Variants in NTHL1 observed in about 807,000 individuals in gnomAD.
The protein encoded by NTHL1 is nth like DNA glycosylase 1.
A neutral mutation model predicts 32.3 loss-of-function variants in NTHL1; 32 were observed. That is an observed-to-expected ratio of 0.99 (90% confidence interval 0.75 to 1.33). NTHL1 has a LOEUF of 1.33. NTHL1 is among the 40% of genes most tolerant of loss of function. NTHL1 has a pLI of 0.00. For synonymous variants in NTHL1, 188 were observed against 176.9 expected (o/e 1.06, Z -0.50); for missense variants, 501 against 414.1 (o/e 1.21, Z -1.82).
intron 1 of NTHL1, chr16:2,047,435 G>C (rs987069272): frequency 1.9e-6 from 1 of 529,088 alleles, no homozygotes; most frequent in African/African-American, 2.0e-5. Flanking sequence ...CTGGAGTGGA[G>C]AGTCCCGGAC....
Position 2,044,754 on chromosome 16 carries a change from G to A in NTHL1, c.401C>T (p.Thr134Ile), listed in dbSNP as rs1596220446. Reference sequence around the variant, plus strand: ...GGCGCCCGCCGTCACCTGGTCTTTGGTTTGGCTGGAGAGCATCAGTGACAG... The same window carrying A: ...GGCGCCCGCCGTCACCTGGTCTTTGATTTGGCTGGAGAGCATCAGTGACAG... ...VLLSLMLSSQ[T>I]KDQVTAGAMQ... Residue 134 changes from threonine (T) to isoleucine (I), a missense_variant, in exon 3 of 6, where the codon ACC (threonine) becomes ATC (isoleucine). Transcript: ENST00000651570. This position sits in a 1 kb window ranked among gnomAD's most constrained non-coding sequence, Gnocchi z 5.0. 6.2e-7 allele frequency: 1 copy of A among 1,612,192 alleles called. No homozygotes were observed. Among genetic ancestry groups the A allele is most frequent in the Non-Finnish European group, 8.5e-7 (1 of 1,179,494 alleles).
intron 4 of NTHL1, chr16:2,041,941 G>A (rs561605755): frequency 5.3e-4 from 231 of 432,044 alleles, no homozygotes; most frequent in Non-Finnish European, 9.7e-4. Flanking sequence ...TTAGTAGAGA[G>A]CGGGTTTCAC....
intron 2 of NTHL1, among the ~76,000 whole-genome samples, chr16:2,045,231 G>A (rs1027407629): frequency 6.6e-6 from 1 of 151,968 alleles, no homozygotes; most frequent in Admixed American, 6.6e-5. Context: ...CAGCTACTCG[G>A]GAGGCCGAGG....
chr16:2,040,593 T>G, intron 4 of NTHL1: 3 of 406,618 alleles, frequency 7.4e-6, no homozygotes, highest in Non-Finnish European at 1.4e-5. Context: ...TGGAGCTCTA[T>G]TCCCCACAAT....
In NTHL1 at chr16:2,043,443, C is replaced by T. The variant is rs2084296253; in HGVS notation, c.685+124G>A. The T allele has an allele frequency of 1.4e-6, 2 of 1,404,282 alleles. No homozygotes were observed. Among genetic ancestry groups the T allele is most frequent in the Non-Finnish European group, 1.9e-6 (2 of 1,030,618 alleles). 87.0% of individuals were successfully genotyped at this position (1,404,282 alleles called of 1,614,324 possible). A position where few individuals can be genotyped will look rare whatever the true frequency, so the allele number is the denominator to read the frequency against. Reference sequence around the variant, plus strand: ...TGGCCTGGCTCCACCCTGGGAGCACCTTTCTGACTCTATGGGCTGGGTGGA... The same window carrying T: ...TGGCCTGGCTCCACCCTGGGAGCACTTTTCTGACTCTATGGGCTGGGTGGA... On this transcript the variant is annotated intron_variant, in intron 4 of 5. Coordinates refer to ENST00000651570, the MANE Select transcript of NTHL1 (RefSeq NM_002528.7). The surrounding 1 kb of genome is among the most constrained non-coding windows in gnomAD (Gnocchi z 4.4).
rs973431416 is a variant in NTHL1, at chr16:2,044,074, G to A, written c.526-348C>T. ...CCTGCGCCTTCAGGAAGGAGGGCTG[G>A]AGCTGGGGCTTCCCCACCAGCTGCC... is the stretch of plus-strand genomic sequence containing the variant. On this transcript the variant is annotated intron_variant, in intron 3 of 5. Transcript: ENST00000651570. The surrounding 1 kb of genome is among the most constrained non-coding windows in gnomAD (Gnocchi z 5.0). The A allele has an allele frequency of 7.6e-6, 3 of 394,564 alleles. No individual in the cohort carries two copies. Among genetic ancestry groups the A allele is most frequent in the Non-Finnish European group, 4.8e-6 (1 of 209,632 alleles). 24.4% of individuals were successfully genotyped at this position (394,564 alleles called of 1,614,324 possible).
rs377199671 is a variant in NTHL1, at chr16:2,044,500, G to C, written c.525+130C>G. On this transcript the variant is annotated intron_variant, in intron 3 of 5. Transcript: ENST00000651570. The surrounding 1 kb of genome is among the most constrained non-coding windows in gnomAD (Gnocchi z 5.0). ...CTCAGGGCCCCACGGCCTGGGGGGG[G>C]CTTCAGGGGGACCCCCCGAGCCTGA... is the stretch of plus-strand genomic sequence containing the variant. 1.7e-6 allele frequency: 2 copies of C among 1,204,482 alleles called. No homozygotes were observed. The highest frequency in any genetic ancestry group is 3.0e-5 in the African/African-American group (2 of 67,258). The allele number at this position is 1,204,482 out of a possible 1,614,324, so 74.6% of individuals were successfully genotyped here. A position where few individuals can be genotyped will look rare whatever the true frequency, so the allele number is the denominator to read the frequency against.
chr16:2,043,571 G>A lies in NTHL1; in HGVS notation c.681C>T (p.Gly227=), dbSNP rs1596219238. 1 of 1,606,914 alleles carries A rather than the reference G, an allele frequency of 6.2e-7. No individual in the cohort carries two copies. Among genetic ancestry groups the A allele is most frequent in the Non-Finnish European group, 8.5e-7 (1 of 1,179,910 alleles). The change falls in exon 4 of 6, where the codon GGC becomes GGT. Residue 227 remains glycine, a synonymous_variant. Coordinates refer to ENST00000651570, the MANE Select transcript of NTHL1 (RefSeq NM_002528.7). This position sits in a 1 kb window ranked among gnomAD's most constrained non-coding sequence, Gnocchi z 4.4. ...GCCCCGCCCTCCTCTACTCACCAAT[G>A]CCTGACACAGTGCCCCAGGCCACAG... ...AMAVAWGTVS[G]IAVDTHVHRI...
In NTHL1 at chr16:2,044,167, T is replaced by C. The variant is rs1285012473; in HGVS notation, c.526-441A>G. 16 of 319,906 alleles carry C rather than the reference T, an allele frequency of 5.0e-5. No homozygotes were observed. Among genetic ancestry groups the C allele is most frequent in the Non-Finnish European group, 8.5e-5 (14 of 165,554 alleles). The allele number at this position is 319,906 out of a possible 1,614,324, so 19.8% of individuals were successfully genotyped here. ...GCTATTTAAAACCCATCTGAGAAAC[T>C]GCGGCCCACGCGGGTGCCAAGGGGA... On this transcript the variant is annotated intron_variant, in intron 3 of 5. Transcript: ENST00000651570. The surrounding 1 kb of genome is among the most constrained non-coding windows in gnomAD (Gnocchi z 5.0).
At chr16:2,040,443 C>T (rs1346492475) in intron 4 of NTHL1, 2 of 635,282 alleles carry the variant, frequency 3.1e-6, no homozygotes, top group African/African-American at 1.8e-5. Context: ...TGTTGGGGTG[C>T]AGGCCTCTCT....
chr16:2,042,994 A>G (rs537425722), intron 4 of NTHL1, among the ~76,000 whole-genome samples: 7 of 62,164 alleles, frequency 1.1e-4, no homozygotes, highest in South Asian at 7.7e-4. Flanking sequence ...TCCCCACCCC[A>G]CCTGCTGAGG....
Position 2,044,141 on chromosome 16 carries a change from G to A in NTHL1, c.526-415C>T, listed in dbSNP as rs1232662925. On this transcript the variant is annotated intron_variant, in intron 3 of 5. Coordinates refer to ENST00000651570, the MANE Select transcript of NTHL1 (RefSeq NM_002528.7). This position sits in a 1 kb window ranked among gnomAD's most constrained non-coding sequence, Gnocchi z 5.0. ...TCCCATCCTGTGCCTGAGTGGAGAG[G>A]GCTATTTAAAACCCATCTGAGAAAC... The A allele has an allele frequency of 5.8e-6, 2 of 344,124 alleles. No homozygotes were observed. The highest frequency in any genetic ancestry group is 2.1e-5 in the African/African-American group (1 of 47,540). The allele number at this position is 344,124 out of a possible 1,614,324, so 21.3% of individuals were successfully genotyped here. A position where few individuals can be genotyped will look rare whatever the true frequency, so the allele number is the denominator to read the frequency against.
Position 2,043,860 on chromosome 16 carries a change from C to A in NTHL1, c.526-134G>T, listed in dbSNP as rs1281743220. ...GGACGTGTGCAAGCTCAGCCCCCGC[C>A]CCCCAGGAGGCGGGAACAAGCGGAG... On this transcript the variant is annotated intron_variant, in intron 3 of 5. Coordinates refer to ENST00000651570, the MANE Select transcript of NTHL1 (RefSeq NM_002528.7). This position sits in a 1 kb window ranked among gnomAD's most constrained non-coding sequence, Gnocchi z 4.4. 7 of 1,073,662 alleles carry A rather than the reference C, an allele frequency of 6.5e-6. No homozygotes were observed. Among genetic ancestry groups the A allele is most frequent in the Non-Finnish European group, 6.8e-6 (5 of 732,636 alleles). The allele number at this position is 1,073,662 out of a possible 1,614,324, so 66.5% of individuals were successfully genotyped here. A position where few individuals can be genotyped will look rare whatever the true frequency, so the allele number is the denominator to read the frequency against.
intron 1 of NTHL1, 68 bp from the exon 2 acceptor site, chr16:2,046,434 G>A (rs892257225): frequency 3.5e-6 from 5 of 1,409,132 alleles, no homozygotes; most frequent in South Asian, 2.5e-5. Flanking sequence ...GTGCCATCCC[G>A]CCTGCTAGCT....
At chr16:2,040,496 C>T (rs1208251524) in intron 4 of NTHL1, 1 of 569,760 alleles carries the variant, frequency 1.8e-6, no homozygotes, top group East Asian at 3.0e-5. Context: ...TCTGGGCTGC[C>T]CACTCCCAAC....
chr16:2,044,100 A>G lies in NTHL1; in HGVS notation c.526-374T>C. ...AGCTGGGGCTTCCCCACCAGCTGCC[A>G]GGCCTGCCGGGTGGTTCCCATCCTG... On this transcript the variant is annotated intron_variant, in intron 3 of 5. Transcript: ENST00000651570. The surrounding 1 kb of genome is among the most constrained non-coding windows in gnomAD (Gnocchi z 5.0). 1 of 375,206 alleles carries G rather than the reference A, an allele frequency of 2.7e-6. No homozygotes were observed. Among genetic ancestry groups the G allele is most frequent in the Non-Finnish European group, 5.1e-6 (1 of 197,398 alleles). 23.2% of individuals were successfully genotyped at this position (375,206 alleles called of 1,614,324 possible).
Position 2,043,546 on chromosome 16 carries a change from GC to G in NTHL1, c.685+20del. On this transcript the variant is annotated intron_variant, in intron 4 of 5. Transcript: ENST00000651570. The surrounding 1 kb of genome is among the most constrained non-coding windows in gnomAD (Gnocchi z 4.4). ...AAGAGCAGCCAGTGGGCTGGAGCCAGCCCCGCCCTCCTCTACTCACCAATGC... is the reference window on the plus strand; with the variant it reads ...AAGAGCAGCCAGTGGGCTGGAGCCAGCCCGCCCTCCTCTACTCACCAATGC... 1 of 1,602,528 alleles carries G rather than the reference GC, an allele frequency of 6.2e-7. No homozygotes were observed. Among genetic ancestry groups the G allele is most frequent in the Non-Finnish European group, 8.5e-7 (1 of 1,179,746 alleles).
At chr16:2,040,983 G>A (rs1419826747) in intron 4 of NTHL1, among the ~76,000 whole-genome samples, 1 of 152,230 alleles carries the variant, frequency 6.6e-6, no homozygotes, top group Non-Finnish European at 1.5e-5. Context: ...CGCAGCTGCT[G>A]TCCACCTGGG....
chr16:2,046,424 G>C, intron 1 of NTHL1, 58 bp from the exon 2 acceptor site: 1 of 1,499,702 alleles, frequency 6.7e-7, no homozygotes, highest in African/African-American at 1.4e-5. Context: ...TAGGGTAGGG[G>C]TGCCATCCCG....
Sources: gnomAD v4.1 joint callset for allele counts (sites outside exome capture counted in the v4.1 genomes callset) on GRCh38, gnomAD v4.1.1 for gene constraint, Gnocchi (gnomAD v3.1) non-coding constraint, MANE v1.5 for transcripts, NCBI Gene and HGNC (gene_info 2026-07-23, HGNC 2026-07-21) for gene names.